The following C7orf78 variants were observed in gnomAD, a reference collection of about 807,000 sequenced individuals.
The protein encoded by C7orf78 is putative uncharacterized protein C7orf78.
At chr7:12,519,341 C>T in the C7orf78 span, among the ~76,000 whole-genome samples, 1 of 152,182 alleles carries the variant, frequency 6.6e-6, no homozygotes, top group Non-Finnish European at 1.5e-5. Context: ...GCCCATCCAG[C>T]CCCTAGTGGC....
At chr7:12,532,358 A>C in the C7orf78 span, among the ~76,000 whole-genome samples, 3 of 151,670 alleles carry the variant, frequency 2.0e-5, no homozygotes, top group Non-Finnish European at 2.9e-5. Context: ...GACCAGCCTG[A>C]CCAACATGGT....
At chr7:12,524,912 T>G in the C7orf78 span, among the ~76,000 whole-genome samples, 1 of 152,282 alleles carries the variant, frequency 6.6e-6, no homozygotes, top group South Asian at 2.1e-4. Flanking sequence ...AGGAATATTT[T>G]TATTTTAGCT....
the C7orf78 span, among the ~76,000 whole-genome samples, chr7:12,488,429 CT>C: frequency 6.6e-6 from 1 of 152,016 alleles, no homozygotes; most frequent in Non-Finnish European, 1.5e-5. Context: ...CAAATACAAA[CT>C]AACTAAATTG....
chr7:12,537,457 C>G, the C7orf78 span, among the ~76,000 whole-genome samples: 1 of 152,140 alleles, frequency 6.6e-6, no homozygotes, highest in Non-Finnish European at 1.5e-5. Context: ...GGTGGGGATA[C>G]AGCCAAACCA....
chr7:12,540,760 G>A, the C7orf78 span, among the ~76,000 whole-genome samples: 2 of 152,092 alleles, frequency 1.3e-5, no homozygotes, highest in Non-Finnish European at 2.9e-5. Context: ...TATAAGCTTG[G>A]TTTTAGTTAT....
chr7:12,518,416 G>A, the C7orf78 span, among the ~76,000 whole-genome samples: 4 of 152,176 alleles, frequency 2.6e-5, no homozygotes, highest in Non-Finnish European at 5.9e-5. Context: ...TCAGCCCCAT[G>A]TGCAGACAGC....
chr7:12,515,053 G>C, the C7orf78 span, among the ~76,000 whole-genome samples: 3 of 152,068 alleles, frequency 2.0e-5, no homozygotes, highest in Non-Finnish European at 4.4e-5. Flanking sequence ...TTATAAACTT[G>C]TCTTTAGACA....
At chr7:12,488,552 A>G in the C7orf78 span, among the ~76,000 whole-genome samples, 1 of 152,082 alleles carries the variant, frequency 6.6e-6, no homozygotes, top group East Asian at 1.9e-4. Context: ...AGGATTTCAG[A>G]ATGAAACAAG....
At chr7:12,494,424 G>A in the C7orf78 span, among the ~76,000 whole-genome samples, 3 of 152,214 alleles carry the variant, frequency 2.0e-5, no homozygotes, top group Admixed American at 2.0e-4. Context: ...ATTGAAGAAG[G>A]AGGTGTCTAA....
At chr7:12,500,609 G>A in the C7orf78 span, among the ~76,000 whole-genome samples, 23 of 151,572 alleles carry the variant, frequency 1.5e-4, no homozygotes, top group Non-Finnish European at 2.8e-4. Flanking sequence ...ACCAAAAAGA[G>A]TCCAGGACCA....
At chr7:12,532,684 C>T in the C7orf78 span, among the ~76,000 whole-genome samples, 28 of 152,226 alleles carry the variant, frequency 1.8e-4, no homozygotes, top group African/African-American at 4.8e-4. Context: ...ATACAGCACA[C>T]GACACTTAGT....
the C7orf78 span, among the ~76,000 whole-genome samples, chr7:12,509,895 G>A: frequency 0.17 from 25,456 of 151,938 alleles, 2,556 homozygotes; most frequent in African/African-American, 0.28. Context: ...TTAGCCGGGC[G>A]TGGTGGCGGG....
the C7orf78 span, among the ~76,000 whole-genome samples, chr7:12,495,102 A>C: frequency 6.6e-6 from 1 of 152,168 alleles, no homozygotes; most frequent in East Asian, 1.9e-4. Flanking sequence ...TTACCACCCA[A>C]AATGTTCACC....
chr7:12,526,356 TACAC>T, the C7orf78 span, among the ~76,000 whole-genome samples: 1 of 152,140 alleles, frequency 6.6e-6, no homozygotes, highest in Non-Finnish European at 1.5e-5. Context: ...GGAAATAACA[TACAC>T]ACATGCATGC....
At chr7:12,500,375 C>T in the C7orf78 span, among the ~76,000 whole-genome samples, 2 of 150,180 alleles carry the variant, frequency 1.3e-5, no homozygotes, top group Admixed American at 6.6e-5. Context: ...CAAATAGACG[C>T]AATAAAAAAT....
At chr7:12,509,334 G>A in the C7orf78 span, among the ~76,000 whole-genome samples, 3 of 152,142 alleles carry the variant, frequency 2.0e-5, no homozygotes, top group Non-Finnish European at 4.4e-5. Context: ...TCAGTAATTA[G>A]GTTTTTGCTT....
chr7:12,528,294 T>C, the C7orf78 span, among the ~76,000 whole-genome samples: 1 of 151,844 alleles, frequency 6.6e-6, no homozygotes, highest in East Asian at 2.0e-4. Context: ...TTTCCTAGTA[T>C]ATGCTATGTG....
chr7:12,511,427 T>C, the C7orf78 span, among the ~76,000 whole-genome samples: 2 of 152,202 alleles, frequency 1.3e-5, no homozygotes, highest in African/African-American at 4.8e-5. Context: ...ATTGGTATTA[T>C]GATAGGGATT....
the C7orf78 span, among the ~76,000 whole-genome samples, chr7:12,523,709 G>C: frequency 1.3e-5 from 2 of 152,090 alleles, no homozygotes; most frequent in African/African-American, 4.8e-5. Context: ...AAGAGAACAG[G>C]TTGGGTTTAG....
Sources: allele counts gnomAD v4.1 joint callset (sites outside exome capture counted in the v4.1 genomes callset), GRCh38; gene constraint gnomAD v4.1.1; transcripts MANE v1.5; gene names NCBI Gene and HGNC (gene_info 2026-07-23, HGNC 2026-07-21).